Variants in ZRANB3 observed in about 807,000 individuals in gnomAD.
ZRANB3 encodes DNA annealing helicase and endonuclease ZRANB3.
Under a neutral mutation model 133.8 loss-of-function variants are expected in ZRANB3, and 125 were observed. The observed-to-expected ratio is 0.93, with a 90% CI of 0.81 to 1.08. ZRANB3 has a LOEUF of 1.08. ZRANB3 is among the 50% of genes least tolerant of loss of function. ZRANB3 has a pLI of 0.00. For synonymous variants in ZRANB3, 387 were observed against 432.7 expected (o/e 0.89, Z 1.31); for missense variants, 1,229 against 1,275.5 (o/e 0.96, Z 0.56).
chr2:135,459,931 G>A (rs1486031088), intron 2 of ZRANB3, among the ~76,000 whole-genome samples: 19 of 149,542 alleles, frequency 1.3e-4, no homozygotes, highest in Admixed American at 1.2e-3. Context: ...CTAAAACTCT[G>A]GTTCTGAAGT....
chr2:135,215,254 GTTTTA>G (rs994041050), intron 17 of ZRANB3, among the ~76,000 whole-genome samples: 3 of 150,622 alleles, frequency 2.0e-5, no homozygotes, highest in East Asian at 2.0e-4. Flanking sequence ...TTTTTGTTTT[GTTTTA>G]TTTTATTTTA....
intron 8 of ZRANB3, among the ~76,000 whole-genome samples, chr2:135,284,617 G>C (rs1159658061): frequency 6.6e-6 from 1 of 151,730 alleles, no homozygotes; most frequent in Non-Finnish European, 1.5e-5. Flanking sequence ...GACTACAGGC[G>C]CCTGTCACCA....
chr2:135,278,974 A>G (rs1680971686), intron 8 of ZRANB3, among the ~76,000 whole-genome samples: 1 of 152,148 alleles, frequency 6.6e-6, no homozygotes, highest in African/African-American at 2.4e-5. Flanking sequence ...CTAAAATTTA[A>G]TCTTCCGTAT....
chr2:135,259,643 C>G (rs1373739034), intron 12 of ZRANB3, among the ~76,000 whole-genome samples: 3 of 152,052 alleles, frequency 2.0e-5, no homozygotes, highest in Non-Finnish European at 4.4e-5. Flanking sequence ...GTCTTGAACT[C>G]TCGACCTCAG....
intron 12 of ZRANB3, among the ~76,000 whole-genome samples, chr2:135,237,383 T>C (rs1270436906): frequency 1.3e-5 from 2 of 151,876 alleles, no homozygotes; most frequent in South Asian, 2.1e-4. Flanking sequence ...GTCAGTGTGG[T>C]GATTCCTCAG....
At chr2:135,432,579 A>G (rs1301116372) in intron 2 of ZRANB3, among the ~76,000 whole-genome samples, 1 of 152,222 alleles carries the variant, frequency 6.6e-6, no homozygotes, top group African/African-American at 2.4e-5. Context: ...CATAGCTGAC[A>G]AGCTGGACTG....
At chr2:135,415,238 G>C (rs1228611628) in intron 2 of ZRANB3, among the ~76,000 whole-genome samples, 1 of 151,120 alleles carries the variant, frequency 6.6e-6, no homozygotes, top group Non-Finnish European at 1.5e-5. Context: ...AAAGAGAGAA[G>C]AATCAAATAG....
chr2:135,327,142 C>T (rs1397787418), intron 6 of ZRANB3, among the ~76,000 whole-genome samples: 1 of 151,652 alleles, frequency 6.6e-6, no homozygotes, highest in Non-Finnish European at 1.5e-5. Flanking sequence ...TAATTTTTTC[C>T]ATAATAAAAT....
rs1559030615 is a variant in ZRANB3, at chr2:135,485,169, AAAACAAAAC to A, written c.161+19151_161+19159del. ...CAAACAAAACAAAACAAAACAAAAC[AAAACAAAAC>A]AAAACAAAACATAACATAACATAAC... On this transcript the variant is annotated intron_variant, in intron 2 of 20. Transcript: ENST00000264159. 2.9e-3 allele frequency among the ~76,000 whole-genome samples: 431 copies of A among 149,546 alleles called. 2 individuals are homozygous for A. The highest frequency in any genetic ancestry group is 0.01 in the African/African-American group (407 of 39,648).
chr2:135,311,703 T>C (rs542294157), intron 8 of ZRANB3, among the ~76,000 whole-genome samples: 9 of 152,252 alleles, frequency 5.9e-5, no homozygotes, highest in Non-Finnish European at 1.0e-4. Context: ...TGAGCTATGA[T>C]TGTGGCACTG....
chr2:135,331,871 T>C (rs992185248), intron 6 of ZRANB3, among the ~76,000 whole-genome samples: 2 of 151,214 alleles, frequency 1.3e-5, no homozygotes, highest in Admixed American at 6.6e-5. Context: ...TAGGAGACTT[T>C]TACTTTTTTA....
intron 12 of ZRANB3, among the ~76,000 whole-genome samples, chr2:135,248,479 C>T (rs1695900316): frequency 6.6e-6 from 1 of 152,224 alleles, no homozygotes; most frequent in South Asian, 2.1e-4. Context: ...AATAAACTAT[C>T]AACAGGGTAA....
intron 8 of ZRANB3, among the ~76,000 whole-genome samples, chr2:135,279,297 A>C (rs996982049): frequency 6.6e-6 from 1 of 152,164 alleles, no homozygotes; most frequent in African/African-American, 2.4e-5. Flanking sequence ...TGCAAACTAC[A>C]TTTTGCATGT....
intron 11 of ZRANB3, among the ~76,000 whole-genome samples, chr2:135,267,379 C>T (rs1292900977): frequency 1.3e-5 from 2 of 152,012 alleles, no homozygotes; most frequent in African/African-American, 2.4e-5. Flanking sequence ...CCTATGATAA[C>T]CCATTAATCC....
At chr2:135,413,349 T>C (rs528782734) in intron 2 of ZRANB3, among the ~76,000 whole-genome samples, 1 of 152,342 alleles carries the variant, frequency 6.6e-6, no homozygotes, top group Non-Finnish European at 1.5e-5. Context: ...TGTATTTCTG[T>C]TATTGTACAA....
At chr2:135,348,307 A>G (rs940916280) in intron 5 of ZRANB3, among the ~76,000 whole-genome samples, 3 of 151,966 alleles carry the variant, frequency 2.0e-5, no homozygotes, top group African/African-American at 7.2e-5. Context: ...TAGAGAACTC[A>G]CACTTCCTAA....
intron 6 of ZRANB3, among the ~76,000 whole-genome samples, chr2:135,332,943 GA>G (rs1006201837): frequency 6.6e-6 from 1 of 152,104 alleles, no homozygotes; most frequent in Non-Finnish European, 1.5e-5. Flanking sequence ...ATAAGCTGTT[GA>G]AAAAATCCAA....
intron 2 of ZRANB3, among the ~76,000 whole-genome samples, chr2:135,483,918 G>A (rs533911670): frequency 2.5e-4 from 38 of 152,210 alleles, no homozygotes; most frequent in African/African-American, 7.2e-4. Flanking sequence ...GTAGTTGAGC[G>A]GTTTTGAGTG....
intron 6 of ZRANB3, among the ~76,000 whole-genome samples, chr2:135,332,069 T>C (rs1290310400): frequency 1.3e-5 from 2 of 152,106 alleles, no homozygotes; most frequent in Non-Finnish European, 2.9e-5. Flanking sequence ...ACATGTAAGA[T>C]AGATAAAACT....
Sources: gnomAD v4.1 joint callset for allele counts (sites outside exome capture counted in the v4.1 genomes callset) on GRCh38, gnomAD v4.1.1 for gene constraint, MANE v1.5 for transcripts, NCBI Gene and HGNC (gene_info 2026-07-23, HGNC 2026-07-21) for gene names.